Variants in PGCKA1 observed in about 807,000 individuals in gnomAD.
PGCKA1 encodes PDCD10 and GCKIII kinases-associated protein 1.
At chr4:37,477,765 G>T in the PGCKA1 span, among the ~76,000 whole-genome samples, 1 of 152,002 alleles carries the variant, frequency 6.6e-6, no homozygotes, top group African/African-American at 2.4e-5. Flanking sequence ...GTCTTCCTGT[G>T]GGTAAAAACA....
the PGCKA1 span, among the ~76,000 whole-genome samples, chr4:37,474,283 A>G: frequency 3.3e-5 from 5 of 152,184 alleles, no homozygotes; most frequent in South Asian, 1.0e-3. Flanking sequence ...ACCTTCTGCC[A>G]TGGGATGTTG....
the PGCKA1 span, among the ~76,000 whole-genome samples, chr4:37,503,481 C>T: frequency 6.6e-6 from 1 of 152,220 alleles, no homozygotes; most frequent in Non-Finnish European, 1.5e-5. Context: ...GCCAGGGAAT[C>T]CTCAGATTCT....
chr4:37,512,394 C>T, the PGCKA1 span, among the ~76,000 whole-genome samples: 1 of 152,128 alleles, frequency 6.6e-6, no homozygotes, highest in South Asian at 2.1e-4. Flanking sequence ...AAATCAAGTC[C>T]CCACATTTCC....
chr4:37,506,725 T>C, the PGCKA1 span, among the ~76,000 whole-genome samples: 1 of 152,128 alleles, frequency 6.6e-6, no homozygotes, highest in Non-Finnish European at 1.5e-5. Context: ...AGAATGATCC[T>C]TGTGCTAAGG....
chr4:37,524,721 T>C, the PGCKA1 span, among the ~76,000 whole-genome samples: 1 of 152,216 alleles, frequency 6.6e-6, no homozygotes, highest in South Asian at 2.1e-4. Context: ...ATGTGATAGT[T>C]TCTTATGGTG....
the PGCKA1 span, among the ~76,000 whole-genome samples, chr4:37,572,057 T>C: frequency 4.5e-3 from 377 of 84,522 alleles, 8 homozygotes; most frequent in South Asian, 0.02. Flanking sequence ...CCTTTTTTTT[T>C]TTTTTCTTTT....
At chr4:37,463,032 A>G in the PGCKA1 span, among the ~76,000 whole-genome samples, 139 of 151,966 alleles carry the variant, frequency 9.1e-4, no homozygotes, top group Middle Eastern at 3.4e-3. Context: ...TCAGTGGTCC[A>G]AACCCCTCAT....
At chr4:37,536,114 G>A in the PGCKA1 span, among the ~76,000 whole-genome samples, 2 of 152,204 alleles carry the variant, frequency 1.3e-5, no homozygotes, top group Non-Finnish European at 2.9e-5. Context: ...ACAAAACAGA[G>A]ACAGACAACT....
the PGCKA1 span, among the ~76,000 whole-genome samples, chr4:37,473,400 T>G: frequency 2.0e-5 from 3 of 152,164 alleles, no homozygotes; most frequent in African/African-American, 7.2e-5. Context: ...GATTTAGACT[T>G]TGTATTTTCA....
chr4:37,478,074 G>A, the PGCKA1 span, among the ~76,000 whole-genome samples: 1 of 151,538 alleles, frequency 6.6e-6, no homozygotes. Context: ...TTCCAAAGGC[G>A]ATTTCCAGTC....
the PGCKA1 span, among the ~76,000 whole-genome samples, chr4:37,480,111 T>G: frequency 6.6e-6 from 1 of 151,900 alleles, no homozygotes; most frequent in Non-Finnish European, 1.5e-5. Context: ...GCATTAGAAA[T>G]GAAAAGAGGA....
At chr4:37,531,555 T>C in the PGCKA1 span, among the ~76,000 whole-genome samples, 1 of 151,626 alleles carries the variant, frequency 6.6e-6, no homozygotes, top group African/African-American at 2.4e-5. Context: ...TTTTATAATA[T>C]TAAAAATTAA....
At chr4:37,510,280 G>C in the PGCKA1 span, among the ~76,000 whole-genome samples, 1 of 151,974 alleles carries the variant, frequency 6.6e-6, no homozygotes, top group South Asian at 2.1e-4. Flanking sequence ...GAAGTTCATT[G>C]GTGTCTGGAC....
chr4:37,555,121 A>G, the PGCKA1 span, among the ~76,000 whole-genome samples: 2 of 152,160 alleles, frequency 1.3e-5, no homozygotes, highest in African/African-American at 4.8e-5. Context: ...CTATAACTCC[A>G]AATTGCCACA....
chr4:37,579,547 A>G, the PGCKA1 span, among the ~76,000 whole-genome samples: 1 of 152,218 alleles, frequency 6.6e-6, no homozygotes, highest in African/African-American at 2.4e-5. Flanking sequence ...ATTCCAGTGT[A>G]AAAGTTATTT....
chr4:37,494,661 G>T, the PGCKA1 span, among the ~76,000 whole-genome samples: 18,305 of 152,086 alleles, frequency 0.12, 1,255 homozygotes, highest in East Asian at 0.33. Context: ...CTCCTGGGTC[G>T]ATTGGTAGTT....
chr4:37,482,709 C>T, the PGCKA1 span, among the ~76,000 whole-genome samples: 1 of 152,082 alleles, frequency 6.6e-6, no homozygotes. Context: ...TTAATGGCAG[C>T]CCCTCCCATC....
At chr4:37,538,217 G>C in the PGCKA1 span, among the ~76,000 whole-genome samples, 1 of 152,220 alleles carries the variant, frequency 6.6e-6, no homozygotes, top group African/African-American at 2.4e-5. Flanking sequence ...TGTGTGAACT[G>C]TTAGCACCAC....
At chr4:37,498,504 A>G in the PGCKA1 span, among the ~76,000 whole-genome samples, 1 of 152,132 alleles carries the variant, frequency 6.6e-6, no homozygotes, top group African/African-American at 2.4e-5. Context: ...CAGTATGGTC[A>G]TTTCCATAAT....
Sources: allele counts gnomAD v4.1 joint callset (sites outside exome capture counted in the v4.1 genomes callset), GRCh38; gene constraint gnomAD v4.1.1; transcripts MANE v1.5; gene names NCBI Gene and HGNC (gene_info 2026-07-23, HGNC 2026-07-21).